The following HS1BP3 variants were observed in gnomAD, a reference collection of about 807,000 sequenced individuals.
The protein encoded by HS1BP3 is HCLS1 binding protein 3.
Under a neutral mutation model 33.5 loss-of-function variants are expected in HS1BP3, and 32 were observed. The ratio of observed to expected loss-of-function variants is 0.95; its 90% CI spans 0.72 to 1.28. The LOEUF (loss-of-function observed/expected upper bound fraction) is 1.28, where lower values mean the gene tolerates loss of function less well. HS1BP3 is among the 50% of genes most tolerant of loss of function. The pLI, the probability that HS1BP3 is intolerant of heterozygous loss-of-function variation, is 0.00. For synonymous variants in HS1BP3, 187 were observed against 209.2 expected, an observed-to-expected ratio of 0.89 and a Z score of 0.92; for missense variants, 486 against 502.3, an observed-to-expected ratio of 0.97 and a Z score of 0.31.
chr2:20,650,981 G>C, intron 1 of HS1BP3, 51 bp downstream of exon 1: 1 of 1,228,118 alleles, frequency 8.1e-7, no homozygotes, highest in Non-Finnish European at 1.0e-6. Flanking sequence ...TCTCCGCCCG[G>C]GCGCCCCGGA....
chr2:20,644,638 C>T (rs1217206393), intron 2 of HS1BP3, among the ~76,000 whole-genome samples: 1 of 152,206 alleles, frequency 6.6e-6, no homozygotes, highest in Non-Finnish European at 1.5e-5. Context: ...ATACCAAGTG[C>T]AACTGGCCTG....
Position 20,624,827 on chromosome 2 carries a change from A to T in HS1BP3, c.689T>A (p.Ile230Asn). Residue 230 changes from isoleucine to asparagine, a missense_variant, in exon 5 of 7, where the codon ATC becomes AAC. Physicochemically the swap from Ile to Asn is moderately radical, Grantham distance 149 (BLOSUM62 -3). Coordinates refer to ENST00000304031, the MANE Select transcript of HS1BP3 (RefSeq NM_022460.4). The stretch of plus-strand genomic sequence containing the variant: ...ATCAGGGTCCACCTCCTCGTCAAAG[A>T]TGGTGAGCCGGGGCGAGGGCTTGGC... ...VKAKPSPRLT[I>N]FDEEVDPDEG... 1 of 1,613,858 alleles carries T rather than the reference A, an allele frequency of 6.2e-7. No homozygotes were observed.
chr2:20,587,509 G>A (rs965766736), intron 5 of HS1BP3, among the ~76,000 whole-genome samples: 4 of 152,174 alleles, frequency 2.6e-5, no homozygotes, highest in African/African-American at 9.7e-5. Context: ...CCTGGCGAAA[G>A]GTTGACGGGG....
In HS1BP3 at chr2:20,618,599, C is replaced by T. The variant is rs1458741655; in HGVS notation, c.*388G>A. ...GGCCCAGCCCCAGTTTGGGTCTGTG[C>T]TGGGGCTGGCAGAACCCGTGGGCAT... On this transcript the variant is annotated 3_prime_UTR_variant, in exon 7 of 7. Transcript: ENST00000304031. 3 of 663,228 alleles carry T rather than the reference C, an allele frequency of 4.5e-6. No homozygotes were observed. Among genetic ancestry groups the T allele is most frequent in the Non-Finnish European group, 5.8e-6 (3 of 516,374 alleles). The allele number at this position is 663,228 out of a possible 1,614,324, so 41.1% of individuals were successfully genotyped here. A position where few individuals can be genotyped will look rare whatever the true frequency, so the allele number is the denominator to read the frequency against.
At chr2:20,564,874 G>C (rs1207200605) in intron 5 of HS1BP3, among the ~76,000 whole-genome samples, 1 of 152,174 alleles carries the variant, frequency 6.6e-6, no homozygotes, top group Admixed American at 6.5e-5. Context: ...TATGGAAAAG[G>C]CACCTACAGA....
Position 20,618,896 on chromosome 2 carries a change from G to C in HS1BP3, c.*91C>G, listed in dbSNP as rs1329835069. 4 of 1,482,208 alleles carry C rather than the reference G, an allele frequency of 2.7e-6. No individual in the cohort carries two copies. Among genetic ancestry groups the C allele is most frequent in the Non-Finnish European group, 3.6e-6 (4 of 1,118,690 alleles). 91.8% of individuals were successfully genotyped at this position (1,482,208 alleles called of 1,614,324 possible). A position where few individuals can be genotyped will look rare whatever the true frequency, so the allele number is the denominator to read the frequency against. On this transcript the variant is annotated 3_prime_UTR_variant, in exon 7 of 7. Transcript: ENST00000304031. Reference sequence around the variant, plus strand: ...TCTGCCTGGCCTCCCCTGGGGGTGGGGAGGTTCTGACCCTGCAGGGCCCAG... The same window carrying C: ...TCTGCCTGGCCTCCCCTGGGGGTGGCGAGGTTCTGACCCTGCAGGGCCCAG...
downstream of HS1BP3, chr2:20,590,870 A>G (rs774000104): frequency 1.8e-5 from 3 of 167,414 alleles, no homozygotes; most frequent in Non-Finnish European, 4.4e-5. Context: ...ACCAAGGACA[A>G]AGAGCACAAT....
intron 2 of HS1BP3, among the ~76,000 whole-genome samples, chr2:20,598,447 G>C (rs1023009223): frequency 2.6e-5 from 4 of 152,026 alleles, no homozygotes; most frequent in African/African-American, 9.7e-5. Flanking sequence ...CCAGCAATGG[G>C]GAGTGGCTGT....
downstream of HS1BP3, among the ~76,000 whole-genome samples, chr2:20,588,651 G>A (rs965415086): frequency 6.6e-6 from 1 of 152,194 alleles, no homozygotes; most frequent in Non-Finnish European, 1.5e-5. Flanking sequence ...TTCTGCTGGC[G>A]GCTCACAAGG....
chr2:20,642,815 G>GAACTCACATTT (rs1174422539), intron 2 of HS1BP3, among the ~76,000 whole-genome samples: 1 of 152,222 alleles, frequency 6.6e-6, no homozygotes, highest in Non-Finnish European at 1.5e-5. Flanking sequence ...TCAAGGTTGA[G>GAACTCACATTT]AACTCACATT....
rs576265957 is a variant in HS1BP3 at position 20,618,826 on chromosome 2, C to G, written c.*161G>C. Reference sequence around the variant, plus strand: ...GGCTTCTACTTTGGCCCCACAGCCCCGGAGAAAATGGAACCATGCAGTTCT... The same window carrying G: ...GGCTTCTACTTTGGCCCCACAGCCCGGGAGAAAATGGAACCATGCAGTTCT... On this transcript the variant is annotated 3_prime_UTR_variant, in exon 7 of 7. Coordinates refer to ENST00000304031, the MANE Select transcript of HS1BP3 (RefSeq NM_022460.4). The G allele has an allele frequency of 2.1e-6, 3 of 1,422,542 alleles. No homozygotes were observed. The highest frequency in any genetic ancestry group is 2.7e-6 in the Non-Finnish European group (3 of 1,092,912). The allele number at this position is 1,422,542 out of a possible 1,614,324, so 88.1% of individuals were successfully genotyped here. A position where few individuals can be genotyped will look rare whatever the true frequency, so the allele number is the denominator to read the frequency against.
intron 5 of HS1BP3, among the ~76,000 whole-genome samples, chr2:20,573,162 T>C (rs1007434564): frequency 1.3e-5 from 2 of 152,142 alleles, no homozygotes; most frequent in Non-Finnish European, 2.9e-5. Flanking sequence ...TCTTTGCTGA[T>C]ATAATTAAGC....
the HS1BP3 span, among the ~76,000 whole-genome samples, chr2:20,555,222 G>C: frequency 6.6e-6 from 1 of 152,200 alleles, no homozygotes; most frequent in Non-Finnish European, 1.5e-5. Flanking sequence ...TATCTGACTT[G>C]TTTTTTCATC....
intron 5 of HS1BP3, among the ~76,000 whole-genome samples, chr2:20,566,765 C>T (rs368542884): frequency 2.0e-5 from 3 of 151,906 alleles, no homozygotes; most frequent in Non-Finnish European, 4.4e-5. Context: ...CACCACCATG[C>T]CCAGCTAATT....
At chr2:20,637,766 A>AACGGCTAAGAGACATTCGTTGTGGTAG (rs1695185309) in intron 4 of HS1BP3, 1 of 152,422 alleles carries the variant, frequency 6.6e-6, no homozygotes, top group African/African-American at 2.4e-5. Flanking sequence ...GGCTTTGGTA[A>AACGGCTAAGAGACATTCGTTGTGGTAG]ACGGCTAAGA....
At chr2:20,642,420 G>T (rs1430327532) in intron 2 of HS1BP3, among the ~76,000 whole-genome samples, 3 of 152,188 alleles carry the variant, frequency 2.0e-5, no homozygotes, top group East Asian at 1.9e-4. Context: ...GCTTGCAGTT[G>T]TCAGCACAAG....
chr2:20,643,855 C>T (rs555303941), intron 2 of HS1BP3, among the ~76,000 whole-genome samples: 1 of 152,272 alleles, frequency 6.6e-6, no homozygotes, highest in African/African-American at 2.4e-5. Flanking sequence ...ATTGCTTGAG[C>T]CCAGGAGTTC....
intron 5 of HS1BP3, among the ~76,000 whole-genome samples, chr2:20,563,172 T>C (rs1693042424): frequency 6.6e-6 from 1 of 152,204 alleles, no homozygotes; most frequent in African/African-American, 2.4e-5. Context: ...CTCGTCATGC[T>C]CACCTCTCCC....
the HS1BP3 span, among the ~76,000 whole-genome samples, chr2:20,554,908 C>G: frequency 6.6e-6 from 1 of 152,216 alleles, no homozygotes; most frequent in African/African-American, 2.4e-5. Flanking sequence ...GGACAGAGCT[C>G]TAACGTTCTA....
Sources: gnomAD v4.1 joint callset for allele counts (sites outside exome capture counted in the v4.1 genomes callset) on GRCh38, gnomAD v4.1.1 for gene constraint, MANE v1.5 for transcripts, NCBI Gene and HGNC (gene_info 2026-07-23, HGNC 2026-07-21) for gene names.